STK38L: variants seen among roughly 807,000 people sequenced by gnomAD.
The protein encoded by STK38L is serine/threonine-protein kinase 38-like.
In STK38L, 28 loss-of-function variants were observed where a neutral mutation model predicts 59.7. The ratio of observed to expected loss-of-function variants is 0.47; its 90% CI spans 0.35 to 0.64. The LOEUF (loss-of-function observed/expected upper bound fraction) is 0.64, where lower values mean the gene tolerates loss of function less well. STK38L is among the 30% of genes least tolerant of loss of function. The pLI, the probability that STK38L is intolerant of heterozygous loss-of-function variation, is 0.01. For synonymous variants in STK38L, 162 were observed against 176.8 expected (o/e 0.92, Z 0.66); for missense variants, 314 against 555.8 (o/e 0.56, Z 4.37).
chr12:27,272,756 AAC>A (rs1236576019), intron 1 of STK38L, among the ~76,000 whole-genome samples: 1 of 152,018 alleles, frequency 6.6e-6, no homozygotes, highest in East Asian at 2.0e-4. Context: ...TCTTTCCCCC[AAC>A]ACACACAGTG....
At chr12:27,257,688 A>G (rs191286881) in intron 1 of STK38L, among the ~76,000 whole-genome samples, 1 of 152,268 alleles carries the variant, frequency 6.6e-6, no homozygotes. Flanking sequence ...GTATGACTAT[A>G]GGGCATCACT....
At chr12:27,261,507 T>TC (rs1943203871) in intron 1 of STK38L, among the ~76,000 whole-genome samples, 1 of 152,240 alleles carries the variant, frequency 6.6e-6, no homozygotes, top group South Asian at 2.1e-4. Flanking sequence ...CATTTGTTTT[T>TC]CTGCAACAAA....
rs149850566 is a variant in STK38L, at chr12:27,298,685, CAG to C, written c.134+832_134+833del. On this transcript the variant is annotated intron_variant, in intron 2 of 13. Transcript: ENST00000389032. The stretch of plus-strand genomic sequence containing the variant: ...TTTGTAAATAGTGGTGGCATTTAAA[CAG>C]GGCTCTAAAGGAGAAGAACTATTTA... Among the ~76,000 whole-genome samples the C allele has an allele frequency of 8.9e-3, 1,352 of 152,216 alleles. 20 individuals carry two copies. The highest frequency in any genetic ancestry group is 0.027 in the Middle Eastern group (8 of 294).
intron 1 of STK38L, chr12:27,293,623 C>G (rs1243714998): frequency 3.6e-5 from 2 of 56,202 alleles, no homozygotes; most frequent in African/African-American, 1.1e-4. Context: ...CTTGGCAGAC[C>G]GAGCAGGGCA....
chr12:27,292,872 C>G (rs1297903446), intron 1 of STK38L, among the ~76,000 whole-genome samples: 2 of 152,210 alleles, frequency 1.3e-5, no homozygotes, highest in Non-Finnish European at 2.9e-5. Flanking sequence ...TATTTACCTT[C>G]TTTTTTGAAG....
intron 3 of STK38L, among the ~76,000 whole-genome samples, chr12:27,306,939 C>G (rs1944332120): frequency 6.6e-6 from 1 of 151,990 alleles, no homozygotes; most frequent in African/African-American, 2.4e-5. Context: ...CCATGTTGGC[C>G]AGGATGGTCT....
intron 1 of STK38L, chr12:27,245,558 A>G (rs1304679907): frequency 6.6e-6 from 1 of 152,126 alleles, no homozygotes; most frequent in East Asian, 1.9e-4. Context: ...TATATAAGGT[A>G]CTGTAAACCT....
At chr12:27,281,427 G>A (rs1463214905) in intron 1 of STK38L, among the ~76,000 whole-genome samples, 2 of 152,184 alleles carry the variant, frequency 1.3e-5, no homozygotes, top group African/African-American at 4.8e-5. Context: ...TAAAAAGTAG[G>A]CATGGTCATT....
At chr12:27,252,104 C>T (rs984766682) in intron 1 of STK38L, among the ~76,000 whole-genome samples, 2 of 152,080 alleles carry the variant, frequency 1.3e-5, no homozygotes, top group Admixed American at 6.5e-5. Context: ...CTCAGCCTCC[C>T]GAGTAGCTGG....
At chr12:27,247,525 C>T (rs1942880345) in intron 1 of STK38L, among the ~76,000 whole-genome samples, 1 of 152,084 alleles carries the variant, frequency 6.6e-6, no homozygotes, top group Non-Finnish European at 1.5e-5. Context: ...GGAAGTTATT[C>T]TTGGTGCAGA....
intron 1 of STK38L, among the ~76,000 whole-genome samples, chr12:27,288,576 ATCTG>A (rs770250576): frequency 5.9e-5 from 9 of 152,092 alleles, no homozygotes; most frequent in Non-Finnish European, 1.0e-4. Context: ...TCACTGTAAT[ATCTG>A]TCTTTCCCCC....
intron 3 of STK38L, among the ~76,000 whole-genome samples, chr12:27,304,177 T>G (rs1944249326): frequency 6.7e-6 from 1 of 149,308 alleles, no homozygotes; most frequent in Admixed American, 6.8e-5. Context: ...GAGGATCACT[T>G]GAGCTCAGAA....
intron 1 of STK38L, among the ~76,000 whole-genome samples, chr12:27,270,535 GC>G (rs1214618645): frequency 1.3e-5 from 2 of 152,090 alleles, no homozygotes; most frequent in African/African-American, 4.8e-5. Context: ...ATGCCACCAT[GC>G]CCAGCTAATT....
intron 13 of STK38L, 42 bp downstream of exon 13, chr12:27,322,276 T>C: frequency 2.2e-5 from 36 of 1,613,212 alleles, no homozygotes; most frequent in Non-Finnish European, 3.0e-5. Flanking sequence ...TAAAAGTCTT[T>C]GAAGATGATG....
chr12:27,274,255 T>G (rs921614620), intron 1 of STK38L, among the ~76,000 whole-genome samples: 1 of 149,188 alleles, frequency 6.7e-6, no homozygotes, highest in South Asian at 2.1e-4. Context: ...AAAATTGCCC[T>G]TTTTGGAGCT....
chr12:27,284,340 C>T (rs1943723845), intron 1 of STK38L, among the ~76,000 whole-genome samples: 1 of 152,136 alleles, frequency 6.6e-6, no homozygotes, highest in African/African-American at 2.4e-5. Flanking sequence ...GGTTTTCCAC[C>T]AAATAGCTAA....
rs367920675 is a variant in STK38L at position 27,273,338 on chromosome 12, C to T, written c.-11-24372C>T. Among the ~76,000 whole-genome samples, 7 of 152,168 alleles carry T rather than the reference C, an allele frequency of 4.6e-5. 1 individual carries two copies. The highest frequency in any genetic ancestry group is 1.4e-4 in the African/African-American group (6 of 41,516). Reference sequence around the variant, plus strand: ...GGCTTGCCAAACACCTGCCCACCTACGCATGGCTTGGGAGAGCAGTACTGA... The same window carrying T: ...GGCTTGCCAAACACCTGCCCACCTATGCATGGCTTGGGAGAGCAGTACTGA... On this transcript the variant is annotated intron_variant, in intron 1 of 13. Transcript: ENST00000389032.
At chr12:27,271,513 TATATGCC>T (rs746773757) in intron 1 of STK38L, among the ~76,000 whole-genome samples, 2 of 152,196 alleles carry the variant, frequency 1.3e-5, no homozygotes, top group Non-Finnish European at 2.9e-5. Context: ...CAATTTCCTA[TATATGCC>T]ATATGCAGAT....
chr12:27,267,773 T>C (rs7973800), intron 1 of STK38L, among the ~76,000 whole-genome samples: 118,541 of 151,750 alleles, frequency 0.78, 46,530 homozygotes, highest in Non-Finnish European at 0.83. Context: ...TAGGTTTTTG[T>C]TAGAGTATGA....
Sources: allele counts gnomAD v4.1 joint callset (sites outside exome capture counted in the v4.1 genomes callset), GRCh38; gene constraint gnomAD v4.1.1; transcripts MANE v1.5; gene names NCBI Gene and HGNC (gene_info 2026-07-23, HGNC 2026-07-21).